ALG6: variants seen among roughly 807,000 people sequenced by gnomAD.
The protein encoded by ALG6 is ALG6 alpha-1,3-glucosyltransferase.
ALG6 carries 46 observed loss-of-function variants against 66.6 expected under a neutral mutation model. The ratio of observed to expected loss-of-function variants is 0.69; its 90% confidence interval spans 0.55 to 0.88. ALG6 has a LOEUF of 0.88. Among genes scored for constraint, ALG6 ranks in the 40% least tolerant of loss-of-function variants. ALG6 has a pLI of 0.00. For synonymous variants in ALG6, 185 were observed against 203.7 expected, an observed-to-expected ratio of 0.91 and a Z score of 0.78; for missense variants, 505 against 586.8, an observed-to-expected ratio of 0.86 and a Z score of 1.44.
chr1:63,381,914 A>C (rs1557581048), intron 2 of ALG6, among the ~76,000 whole-genome samples: 1 of 152,126 alleles, frequency 6.6e-6, no homozygotes, highest in South Asian at 2.1e-4. Context: ...CCCAAGCTGC[A>C]GTAGAGTGAC....
intron 1 of ALG6, among the ~76,000 whole-genome samples, chr1:63,368,175 C>G (rs943016751): frequency 6.6e-6 from 1 of 152,136 alleles, no homozygotes; most frequent in African/African-American, 2.4e-5. Context: ...CTAGCAACTT[C>G]GTGGCCAGTG....
At chr1:63,373,713 T>C (rs1205881307) in intron 2 of ALG6, among the ~76,000 whole-genome samples, 1 of 147,876 alleles carries the variant, frequency 6.8e-6, no homozygotes, top group African/African-American at 2.5e-5. Flanking sequence ...CAGGCTGGAG[T>C]GCAGTGGCAT....
At chr1:63,418,397 C>G (rs1249075608) in intron 11 of ALG6, among the ~76,000 whole-genome samples, 1 of 151,302 alleles carries the variant, frequency 6.6e-6, no homozygotes, top group Non-Finnish European at 1.5e-5. Context: ...GAGCCAATCA[C>G]AAGAAGATCT....
intron 1 of ALG6, among the ~76,000 whole-genome samples, chr1:63,367,900 G>T (rs1026128119): frequency 5.3e-5 from 8 of 152,206 alleles, no homozygotes; most frequent in African/African-American, 1.4e-4. Context: ...GCACTTGCAG[G>T]CTGGGGCGGT....
chr1:63,368,157 C>T (rs1647789548), intron 1 of ALG6, among the ~76,000 whole-genome samples: 1 of 152,184 alleles, frequency 6.6e-6, no homozygotes, highest in African/African-American at 2.4e-5. Flanking sequence ...AGCGCATCTA[C>T]TGCCTGCCTA....
chr1:63,398,623 C>T (rs1454042241), intron 3 of ALG6, among the ~76,000 whole-genome samples: 1 of 152,046 alleles, frequency 6.6e-6, no homozygotes, highest in Non-Finnish European at 1.5e-5. Context: ...CAGGCGCCCA[C>T]CACCACGCCT....
intron 12 of ALG6, among the ~76,000 whole-genome samples, chr1:63,427,326 T>G (rs1570088869): frequency 6.6e-6 from 1 of 151,998 alleles, no homozygotes; most frequent in East Asian, 1.9e-4. Context: ...TAATTTCTTT[T>G]AGTAGTTTTC....
chr1:63,409,361 G>A (rs1003527629), intron 7 of ALG6, among the ~76,000 whole-genome samples: 3 of 152,050 alleles, frequency 2.0e-5, no homozygotes, highest in East Asian at 1.9e-4. Context: ...GGGTCCATAC[G>A]TTTTGAAGAC....
intron 12 of ALG6, among the ~76,000 whole-genome samples, chr1:63,424,704 C>T (rs113093497): frequency 0.012 from 1,872 of 151,300 alleles, 31 homozygotes; most frequent in African/African-American, 0.043. Flanking sequence ...TAAAGATTTA[C>T]CCTCATTTTC....
chr1:63,405,829 T>C (rs1000193072), intron 5 of ALG6, among the ~76,000 whole-genome samples: 2 of 152,100 alleles, frequency 1.3e-5, no homozygotes, highest in African/African-American at 4.8e-5. Flanking sequence ...ATTGCTTTTC[T>C]TTTTTTAGGA....
chr1:63,422,096 TATATAA>T (rs1189783081), intron 12 of ALG6, among the ~76,000 whole-genome samples: 2 of 112,106 alleles, frequency 1.8e-5, no homozygotes, highest in Admixed American at 1.1e-4. Flanking sequence ...AATATATAAA[TATATAA>T]ATATAAATAT....
At chr1:63,376,203 A>T (rs1648120354) in intron 2 of ALG6, among the ~76,000 whole-genome samples, 1 of 152,182 alleles carries the variant, frequency 6.6e-6, no homozygotes, top group Admixed American at 6.6e-5. Context: ...CCTATACAAC[A>T]TGTTACTGTA....
intron 10 of ALG6, among the ~76,000 whole-genome samples, chr1:63,414,769 CTG>C (rs373402536): frequency 2.3e-3 from 344 of 152,220 alleles, no homozygotes; most frequent in African/African-American, 8.0e-3. Flanking sequence ...TAGGAGATCA[CTG>C]TGTACTGTGT....
intron 2 of ALG6, among the ~76,000 whole-genome samples, chr1:63,388,042 G>A (rs1277889047): frequency 6.6e-6 from 1 of 152,062 alleles, no homozygotes; most frequent in African/African-American, 2.4e-5. Flanking sequence ...TCAGCCTGTG[G>A]AGTAGCTGTG....
chr1:63,398,300 A>G (rs1200630176), intron 3 of ALG6, among the ~76,000 whole-genome samples: 1 of 152,118 alleles, frequency 6.6e-6, no homozygotes, highest in Non-Finnish European at 1.5e-5. Context: ...AATAAAGTCT[A>G]TTTCTTATGT....
intron 4 of ALG6, 71 bp from the exon 5 acceptor site, chr1:63,404,381 TA>T (rs550350034): frequency 2.1e-4 from 252 of 1,200,948 alleles, no homozygotes; most frequent in Middle Eastern, 9.6e-4. Context: ...AATACATTCA[TA>T]TATCCTTCAA....
rs568623262 is a variant in ALG6 at position 63,390,029 on chromosome 1, C to A, written c.83-6484C>A. On this transcript the variant is annotated intron_variant, in intron 2 of 14. Coordinates refer to ENST00000263440, the MANE Select transcript of ALG6 (RefSeq NM_013339.4). Reference sequence around the variant, plus strand: ...ACATTGGGACTGTGCTACATCAGACCTGAAGCTAGCACAGCACTGGGTCTT... The same window carrying A: ...ACATTGGGACTGTGCTACATCAGACATGAAGCTAGCACAGCACTGGGTCTT... Among the ~76,000 whole-genome samples the A allele has an allele frequency of 1.8e-3, 278 of 152,284 alleles. 1 individual carries two copies. The highest frequency in any genetic ancestry group is 6.5e-3 in the African/African-American group (272 of 41,560).
chr1:63,383,174 G>A (rs1226680088), intron 2 of ALG6, among the ~76,000 whole-genome samples: 1 of 151,900 alleles, frequency 6.6e-6, no homozygotes. Flanking sequence ...ACAGGCTGGA[G>A]TGCAGTTGTG....
rs760731397 is a variant in ALG6 at position 63,387,532 on chromosome 1, C to CTTTTTTTTTTTTTTTTTTTTTTTT, written c.83-8977_83-8954dup. The stretch of plus-strand genomic sequence containing the variant: ...ATATAATGACCTTCTTTGTCTTTCT[C>CTTTTTTTTTTTTTTTTTTTTTTTT]TTTTTTTTTTTTTTTTTTTTTTTTT... On this transcript the variant is annotated intron_variant, in intron 2 of 14. Coordinates refer to ENST00000263440, the MANE Select transcript of ALG6 (RefSeq NM_013339.4). Among the ~76,000 whole-genome samples the CTTTTTTTTTTTTTTTTTTTTTTTT allele has an allele frequency of 6.7e-5, 4 of 59,476 alleles. 1 individual carries two copies. The highest frequency in any genetic ancestry group is 2.1e-4 in the African/African-American group (3 of 14,198). The allele number at this position is 59,476 out of a possible 152,430, so 39.0% of individuals were successfully genotyped here. A position where few individuals can be genotyped will look rare whatever the true frequency, so the allele number is the denominator to read the frequency against.
Sources: allele counts gnomAD v4.1 joint callset (sites outside exome capture counted in the v4.1 genomes callset), GRCh38; gene constraint gnomAD v4.1.1; transcripts MANE v1.5; gene names NCBI Gene and HGNC (gene_info 2026-07-23, HGNC 2026-07-21).